Variants in SCAF4 observed in about 807,000 individuals in gnomAD.
SCAF4 encodes SR-related and CTD-associated factor 4.
Under a neutral mutation model 129.8 loss-of-function variants are expected in SCAF4, and 25 were observed. The observed-to-expected ratio is 0.19, with a 90% CI of 0.14 to 0.27. SCAF4 has a LOEUF of 0.27. Among genes scored for constraint, SCAF4 ranks in the 10% least tolerant of loss-of-function variants. SCAF4 has a pLI of 1.00. For missense variants in SCAF4, 1,246 were observed against 1,457.1 expected (o/e 0.86, Z 2.36); for synonymous variants, 551 against 497.7 (o/e 1.11, Z -1.43).
chr21:31,672,187 T>A lies in SCAF4; in HGVS notation c.2656A>T (p.Met886Leu). 1 of 1,605,538 alleles carries A rather than the reference T, an allele frequency of 6.2e-7. No individual in the cohort carries two copies. Among genetic ancestry groups the A allele is most frequent in the Non-Finnish European group, 8.5e-7 (1 of 1,174,794 alleles). ...GGTCCTGGCGGTGGGCCTCTGTGCATCATGTGCGGTGGCATGGGACGGGGC... is the reference window on the plus strand; with the variant it reads ...GGTCCTGGCGGTGGGCCTCTGTGCAACATGTGCGGTGGCATGGGACGGGGC... ...MPPRPMPPHMMHRGPPPGPGG... is the reference protein window; with the variant it reads ...MPPRPMPPHMLHRGPPPGPGG... The change falls in exon 20 of 20, where the codon ATG becomes TTG. Residue 886 changes from methionine to leucine, a missense_variant. This residue lies in a region of SCAF4 where 468 missense variants were observed against 605.5 expected (regional missense o/e 0.77). Transcript: ENST00000286835.
chr21:31,691,863 T>C lies in SCAF4; in HGVS notation c.1682A>G (p.Gln561Arg). The change falls in exon 14 of 20, where the codon CAG becomes CGG. Residue 561 changes from glutamine (Q) to arginine (R), a missense_variant. Gln to Arg is a conservative substitution (Grantham distance 43). Transcript: ENST00000286835. ...TTTATAGTTTCCTCGGCTCAGTTTCTGCAGGGCACGATAGGCATCTTGCCT... is the reference window on the plus strand; with the variant it reads ...TTTATAGTTTCCTCGGCTCAGTTTCCGCAGGGCACGATAGGCATCTTGCCT... ...VHRQDAYRAL[Q>R]KLSRGNYKVN... 1 of 1,610,276 alleles carries C rather than the reference T, an allele frequency of 6.2e-7. No individual in the cohort carries two copies. The highest frequency in any genetic ancestry group is 1.1e-5 in the South Asian group (1 of 90,546).
chr21:31,678,836 T>A (rs928967566), intron 19 of SCAF4, among the ~76,000 whole-genome samples: 4 of 152,230 alleles, frequency 2.6e-5, no homozygotes, highest in Non-Finnish European at 4.4e-5. Flanking sequence ...ACTGCCTAAC[T>A]GTCCTGTTTT....
chr21:31,687,573 G>T (rs542513140), intron 16 of SCAF4, among the ~76,000 whole-genome samples: 2 of 152,062 alleles, frequency 1.3e-5, no homozygotes, highest in African/African-American at 4.8e-5. Flanking sequence ...ATGTTAAATG[G>T]CATTTATTAT....
intron 1 of SCAF4, among the ~76,000 whole-genome samples, chr21:31,729,921 A>C (rs2051306793): frequency 1.3e-5 from 2 of 152,214 alleles, no homozygotes; most frequent in South Asian, 4.1e-4. Context: ...AATGTGCTTG[A>C]TGTCAACTTC....
intron 1 of SCAF4, among the ~76,000 whole-genome samples, chr21:31,721,086 ATAGAG>A (rs765205857): frequency 3.9e-5 from 6 of 152,178 alleles, no homozygotes; most frequent in East Asian, 1.9e-4. Context: ...TCAACACTTT[ATAGAG>A]TATTTTCATC....
At chr21:31,697,912 G>A (rs753731263) in intron 7 of SCAF4, among the ~76,000 whole-genome samples, 1 of 152,112 alleles carries the variant, frequency 6.6e-6, no homozygotes, top group Non-Finnish European at 1.5e-5. Flanking sequence ...CACAGCCCAG[G>A]TACCTTGCTG....
chr21:31,701,079 T>C lies in SCAF4; in HGVS notation c.693A>G (p.Thr231=). ...NAVMAQVQAI[T]AQLKTTPTQP... The stretch of plus-strand genomic sequence containing the variant: ...GTGTAGGAGTTGTCTTTAACTGAGC[T>C]GTGATAGCCTGAACCTGAGCCATCA... The change falls in exon 7 of 20, where the codon ACA becomes ACG. Residue 231 remains threonine, a synonymous_variant. Coordinates refer to ENST00000286835, the MANE Select transcript of SCAF4 (RefSeq NM_020706.2). 1.9e-6 allele frequency: 3 copies of C among 1,614,120 alleles called. No individual in the cohort carries two copies. The highest frequency in any genetic ancestry group is 2.5e-6 in the Non-Finnish European group (3 of 1,180,002).
chr21:31,727,246 T>C (rs2051228638), intron 1 of SCAF4, among the ~76,000 whole-genome samples: 1 of 152,024 alleles, frequency 6.6e-6, no homozygotes, highest in African/African-American at 2.4e-5. Flanking sequence ...GCCCAGCTAA[T>C]TTTTTGTATT....
chr21:31,731,566 C>T, intron 1 of SCAF4, 97 bp downstream of exon 1: 5 of 1,412,550 alleles, frequency 3.5e-6, no homozygotes, highest in Non-Finnish European at 4.9e-6. Flanking sequence ...AGGAAGCGTC[C>T]CCACCCGGAC....
rs757120416 is a variant in SCAF4, at chr21:31,685,122, A to G, written c.2415T>C (p.Tyr805=). Residue 805 remains tyrosine, a synonymous_variant, in exon 19 of 20, where the codon TAT becomes TAC. Coordinates refer to ENST00000286835, the MANE Select transcript of SCAF4 (RefSeq NM_020706.2). ...NAESGDSVKM[Y]GSAVPPAAPT... is the part of the protein sequence containing the mutation. ...GTGCAGCAGGTGGCACGGCAGAGCC[A>G]TACATTTTCACGCTGTCACCAGACT... 4 of 1,613,254 alleles carry G rather than the reference A, an allele frequency of 2.5e-6. No homozygotes were observed. Among genetic ancestry groups the G allele is most frequent in the Non-Finnish European group, 2.5e-6 (3 of 1,179,858 alleles).
chr21:31,699,184 G>A (rs967591089), intron 7 of SCAF4, among the ~76,000 whole-genome samples: 2 of 152,116 alleles, frequency 1.3e-5, no homozygotes, highest in African/African-American at 4.8e-5. Context: ...GGAATTTAGT[G>A]TATAAAAAAG....
At chr21:31,702,983 T>C (rs2050570809) in intron 4 of SCAF4, among the ~76,000 whole-genome samples, 1 of 152,190 alleles carries the variant, frequency 6.6e-6, no homozygotes, top group Non-Finnish European at 1.5e-5. Flanking sequence ...ATTCTGAGTA[T>C]GTTTACTAGT....
At position 31,690,636 on chromosome 21, in the gene SCAF4, T is replaced by C. The variant is rs550587542; in HGVS notation, c.1885+161A>G. ...TTGTGTTTGCATCTCTTTTGTCTCA[T>C]TCACTATTTAACCCTCAGTTTATAA... is the stretch of plus-strand genomic sequence containing the variant. On this transcript the variant is annotated intron_variant, in intron 15 of 19. Coordinates refer to ENST00000286835, the MANE Select transcript of SCAF4 (RefSeq NM_020706.2). Among the ~76,000 whole-genome samples, 212 of 152,356 alleles carry C rather than the reference T, an allele frequency of 1.4e-3. 1 individual carries two copies. The highest frequency in any genetic ancestry group is 4.9e-3 in the African/African-American group (202 of 41,576).
In SCAF4 at chr21:31,672,165, C is replaced by G. The variant is rs540255041; in HGVS notation, c.2678G>C (p.Gly893Ala). ...PHMMHRGPPP[G>A]PGGFAMPPPH... ...TGGAGGCATCGCAAAGCCCCCTGGT[C>G]CTGGCGGTGGGCCTCTGTGCATCAT... Residue 893 changes from glycine (G) to alanine (A), a missense_variant, in exon 20 of 20, where the codon GGA (glycine) becomes GCA (alanine). Gly to Ala is a moderately conservative substitution (Grantham distance 60). Around this residue, in one of 6 missense-constraint regions of SCAF4, gnomAD observed 468 missense variants for 605.5 expected, o/e 0.77. Coordinates refer to ENST00000286835, the MANE Select transcript of SCAF4 (RefSeq NM_020706.2). 1 of 1,604,430 alleles carries G rather than the reference C, an allele frequency of 6.2e-7. No individual in the cohort carries two copies. Among genetic ancestry groups the G allele is most frequent in the Admixed American group, 1.7e-5 (1 of 59,372 alleles).
chr21:31,721,351 T>C (rs571254715), intron 1 of SCAF4, among the ~76,000 whole-genome samples: 8 of 152,216 alleles, frequency 5.3e-5, no homozygotes, highest in Non-Finnish European at 8.8e-5. Context: ...AACTAAGTCA[T>C]GTATGGCCAT....
At chr21:31,714,380 T>G (rs1398261256) in intron 1 of SCAF4, among the ~76,000 whole-genome samples, 3 of 152,130 alleles carry the variant, frequency 2.0e-5, no homozygotes, top group Non-Finnish European at 4.4e-5. Flanking sequence ...ACAAGACTTC[T>G]TTAGAAGGGA....
chr21:31,700,796 C>A, intron 7 of SCAF4, 199 bp downstream of exon 7: 13 of 407,610 alleles, frequency 3.2e-5, no homozygotes, highest in Non-Finnish European at 4.8e-5. Context: ...CAGCTTCAAA[C>A]CCTGGAAATT....
chr21:31,691,842 T>C lies in SCAF4; in HGVS notation c.1703A>G (p.Tyr568Cys). ...CTTTATGGATTTCTGGTTCACTTTA[T>C]AGTTTCCTCGGCTCAGTTTCTGCAG... ...RALQKLSRGN[Y>C]KVNQKSIKIA... The change falls in exon 14 of 20, where the codon TAT (tyrosine) becomes TGT (cysteine). Residue 568 changes from tyrosine (Y) to cysteine (C), a missense_variant. Transcript: ENST00000286835. The C allele has an allele frequency of 3.1e-6, 5 of 1,603,906 alleles. No individual in the cohort carries two copies. Among genetic ancestry groups the C allele is most frequent in the Non-Finnish European group, 2.6e-6 (3 of 1,173,732 alleles).
intron 16 of SCAF4, among the ~76,000 whole-genome samples, chr21:31,686,410 T>C (rs2050126540): frequency 6.6e-6 from 1 of 152,116 alleles, no homozygotes; most frequent in South Asian, 2.1e-4. Flanking sequence ...ATGGCTAAGA[T>C]CACAGGTCCT....
Sources: gnomAD v4.1 joint callset for allele counts (sites outside exome capture counted in the v4.1 genomes callset) on GRCh38, gnomAD v4.1.1 for gene constraint, gnomAD v4.1.1 regional missense constraint, MANE v1.5 for transcripts, NCBI Gene and HGNC (gene_info 2026-07-23, HGNC 2026-07-21) for gene names.